GLI2: variants seen among roughly 807,000 people sequenced by gnomAD.
GLI2 encodes GLI family zinc finger 2, also known as transcription activator GLI2.
Under a neutral mutation model 78.9 loss-of-function variants are expected in GLI2, and 22 were observed. The ratio of observed to expected loss-of-function variants is 0.28; its 90% CI spans 0.20 to 0.40. The LOEUF is 0.40. Among genes scored for constraint, GLI2 ranks in the 10% least tolerant of loss-of-function variants. GLI2 has a pLI of 1.00. For missense variants in GLI2, 2,097 were observed against 2,213.2 expected (o/e 0.95, Z 1.05); for synonymous variants, 974 against 963.7 (o/e 1.01, Z -0.20).
At chr2:120,804,132 C>T (rs1684829790) in intron 2 of GLI2, among the ~76,000 whole-genome samples, 2 of 152,206 alleles carry the variant, frequency 1.3e-5, no homozygotes, top group Non-Finnish European at 2.9e-5. Context: ...TATGGGAATG[C>T]TGTGCAAATA....
At chr2:120,794,999 T>C (rs1164494613) in intron 1 of GLI2, among the ~76,000 whole-genome samples, 1 of 152,182 alleles carries the variant, frequency 6.6e-6, no homozygotes, top group Non-Finnish European at 1.5e-5. Flanking sequence ...ACATCCTTCA[T>C]GTGGCCCCTC....
intron 2 of GLI2, among the ~76,000 whole-genome samples, chr2:120,805,655 A>G (rs924210732): frequency 2.0e-5 from 3 of 152,232 alleles, no homozygotes; most frequent in East Asian, 1.9e-4. Context: ...CTGGAAACCA[A>G]TTCCGCAGGA....
intron 2 of GLI2, among the ~76,000 whole-genome samples, chr2:120,846,405 G>C (rs1311828930): frequency 2.6e-5 from 4 of 152,212 alleles, no homozygotes; most frequent in Non-Finnish European, 4.4e-5. Context: ...AGGTGCCCAG[G>C]TATCTGCATC....
At chr2:120,876,973 C>G (rs948363208) in intron 2 of GLI2, among the ~76,000 whole-genome samples, 1 of 152,226 alleles carries the variant, frequency 6.6e-6, no homozygotes, top group African/African-American at 2.4e-5. Flanking sequence ...CCCATGGAAC[C>G]TGGGCTGGTC....
At chr2:120,941,582 G>A (rs544306349) in intron 3 of GLI2, among the ~76,000 whole-genome samples, 3 of 152,230 alleles carry the variant, frequency 2.0e-5, no homozygotes, top group African/African-American at 7.2e-5. Flanking sequence ...GGGAGGAAGA[G>A]ATGCAGGGCA....
At chr2:120,825,517 CTG>C (rs571976975) in intron 2 of GLI2, among the ~76,000 whole-genome samples, 35 of 149,474 alleles carry the variant, frequency 2.3e-4, no homozygotes, top group Non-Finnish European at 1.5e-4. Flanking sequence ...GTGCACCTGA[CTG>C]TGAGTGTGTG....
At chr2:120,900,173 C>G (rs1678184608) in intron 2 of GLI2, among the ~76,000 whole-genome samples, 1 of 152,220 alleles carries the variant, frequency 6.6e-6, no homozygotes, top group African/African-American at 2.4e-5. Flanking sequence ...TTTGCAGCCC[C>G]CATTGCCTCT....
intron 1 of GLI2, among the ~76,000 whole-genome samples, chr2:120,749,045 C>A (rs1682782977): frequency 6.6e-6 from 1 of 152,188 alleles, no homozygotes; most frequent in Admixed American, 6.5e-5. Context: ...GTGTACCCTT[C>A]CTCCCCATCC....
At chr2:120,977,680 G>A (rs1040789842) in intron 9 of GLI2, among the ~76,000 whole-genome samples, 22 of 152,302 alleles carry the variant, frequency 1.4e-4, no homozygotes, top group African/African-American at 5.1e-4. Flanking sequence ...CCCGAGATAC[G>A]CGGCAGGGTT....
At chr2:120,921,047 T>C (rs1325979851) in intron 2 of GLI2, among the ~76,000 whole-genome samples, 3 of 152,156 alleles carry the variant, frequency 2.0e-5, no homozygotes, top group Non-Finnish European at 4.4e-5. Context: ...AGCAGTTTCT[T>C]GCCAGAGTTG....
intron 2 of GLI2, among the ~76,000 whole-genome samples, chr2:120,814,711 C>T (rs886396282): frequency 2.6e-5 from 4 of 152,150 alleles, no homozygotes; most frequent in African/African-American, 7.2e-5. Flanking sequence ...ATCTAGGTTG[C>T]GTGCTCCTTA....
chr2:120,941,678 G>T (rs1285829743), intron 3 of GLI2, among the ~76,000 whole-genome samples: 2 of 152,202 alleles, frequency 1.3e-5, no homozygotes, highest in East Asian at 3.9e-4. Context: ...TGGGCACCTG[G>T]TCCTGAGCAG....
intron 2 of GLI2, among the ~76,000 whole-genome samples, chr2:120,855,121 C>T (rs1687585430): frequency 6.6e-6 from 1 of 152,236 alleles, no homozygotes; most frequent in Non-Finnish European, 1.5e-5. Flanking sequence ...CAGAGGAAAA[C>T]AGAACCCACC....
rs1196239655 is a variant in GLI2, at chr2:120,914,128, G to A, written c.149-13233G>A. 2.6e-5 allele frequency among the ~76,000 whole-genome samples: 4 copies of A among 152,250 alleles called. No individual in the cohort carries two copies. In the South Asian group the frequency reaches 6.2e-4, roughly 24 times the overall value. ...CCTCCTGAAAGGGAGAATCACCTGC[G>A]ACAAGTGGGCTTCTTGCCGGGGACC... On this transcript the variant is annotated intron_variant, in intron 2 of 13. Coordinates refer to ENST00000361492, the MANE Select transcript of GLI2 (RefSeq NM_001374353.1).
At chr2:120,797,231 C>A in intron 1 of GLI2, 60 bp from the exon 2 acceptor site, 4 of 1,297,682 alleles carry the variant, frequency 3.1e-6, no homozygotes, top group African/African-American at 1.5e-5. Context: ...GAATCTGGGT[C>A]GGCGTTTCCC....
At chr2:120,756,072 T>C (rs1683026310) in intron 1 of GLI2, among the ~76,000 whole-genome samples, 1 of 152,228 alleles carries the variant, frequency 6.6e-6, no homozygotes, top group South Asian at 2.1e-4. Flanking sequence ...CATTTTCATA[T>C]GAATTTTGGA....
intron 13 of GLI2, 105 bp from the exon 14 acceptor site, chr2:120,988,103 G>T (rs1392426477): frequency 1.7e-5 from 16 of 947,190 alleles, no homozygotes; most frequent in Non-Finnish European, 2.3e-5. Context: ...GCGCTGTGTT[G>T]CAAGCCCTCT....
chr2:120,837,904 G>T (rs1466693983), intron 2 of GLI2, among the ~76,000 whole-genome samples: 3 of 152,108 alleles, frequency 2.0e-5, no homozygotes, highest in African/African-American at 4.8e-5. Flanking sequence ...ACAGCTTTCT[G>T]TTAAGCATGG....
Position 120,989,532 on chromosome 2 carries a change from G to A in GLI2, c.3567G>A (p.Gln1189=), listed in dbSNP as rs752447314. ...GGLDSTQPHL[Q]PRSGAPSQGI... is the part of the protein sequence containing the mutation. ...TGGACAGCACGCAGCCACACCTGCA[G>A]CCCCGCAGCGGAGCCCCCTCCCAGG... The change falls in exon 14 of 14, where the codon CAG becomes CAA. Residue 1189 remains glutamine, a synonymous_variant. Coordinates refer to ENST00000361492, the MANE Select transcript of GLI2 (RefSeq NM_001374353.1). 6.2e-7 allele frequency: 1 copy of A among 1,612,382 alleles called. No homozygotes were observed. The highest frequency in any genetic ancestry group is 8.5e-7 in the Non-Finnish European group (1 of 1,179,714).
Sources: allele counts gnomAD v4.1 joint callset (sites outside exome capture counted in the v4.1 genomes callset), GRCh38; gene constraint gnomAD v4.1.1; transcripts MANE v1.5; gene names NCBI Gene and HGNC (gene_info 2026-07-23, HGNC 2026-07-21).